Variants in DNAH14 observed in about 807,000 individuals in gnomAD.
The protein encoded by DNAH14 is dynein axonemal heavy chain 14.
A neutral mutation model predicts 520.9 loss-of-function variants in DNAH14; 478 were observed. The observed-to-expected ratio is 0.92, with a 90% CI of 0.85 to 0.99. The LOEUF is 0.99. Ranked by LOEUF, DNAH14 falls within the 50% of genes least tolerant of loss-of-function variation. DNAH14 has a pLI of 0.00. For missense variants in DNAH14, 4,831 were observed against 5,234.5 expected, an observed-to-expected ratio of 0.92 and a Z score of 2.38; for synonymous variants, 1,581 against 1,757.2, an observed-to-expected ratio of 0.90 and a Z score of 2.51.
chr1:225,192,844 A>G lies in DNAH14; in HGVS notation c.5819A>G (p.Asn1940Ser), dbSNP rs1219573111. Residue 1940 changes from asparagine (N) to serine (S), a missense_variant, in exon 38 of 86, where the codon AAC becomes AGC. Physicochemically the swap from Asn to Ser is conservative, Grantham distance 46. Coordinates refer to ENST00000682510, the MANE Select transcript of DNAH14 (RefSeq NM_001367479.1). ...ACAATTCGAAGTTATGTATATTTTA[A>G]CACACCAAAGAACACAAAGAAAGAC... is the stretch of plus-strand genomic sequence containing the variant. ...SATIRSYVYF[N>S]TPKNTKKDID... is the part of the protein sequence containing the mutation. The G allele has an allele frequency of 2.0e-5, 31 of 1,550,002 alleles. No individual in the cohort carries two copies. Among genetic ancestry groups the G allele is most frequent in the Non-Finnish European group, 2.6e-5 (30 of 1,145,938 alleles).
At chr1:225,197,821 G>T (rs2086351940) in intron 38 of DNAH14, among the ~76,000 whole-genome samples, 1 of 152,066 alleles carries the variant, frequency 6.6e-6, no homozygotes. Context: ...TTGAGTTCTT[G>T]ATTTGATTCT....
At chr1:225,390,349 G>A (rs995531317) in intron 83 of DNAH14, among the ~76,000 whole-genome samples, 8 of 152,246 alleles carry the variant, frequency 5.3e-5, no homozygotes, top group East Asian at 3.9e-4. Flanking sequence ...GACATGAACC[G>A]GAGTGCATTC....
At chr1:225,382,846 A>T (rs767171067) in intron 81 of DNAH14, among the ~76,000 whole-genome samples, 3 of 152,242 alleles carry the variant, frequency 2.0e-5, no homozygotes, top group Non-Finnish European at 4.4e-5. Flanking sequence ...TGTCCCTGTA[A>T]TGAAATATTA....
chr1:225,318,695 C>A lies in DNAH14; in HGVS notation c.9335+18C>A. 6.5e-7 allele frequency: 1 copy of A among 1,529,184 alleles called. No homozygotes were observed. Among genetic ancestry groups the A allele is most frequent in the Admixed American group, 2.2e-5 (1 of 46,010 alleles). 94.7% of individuals were successfully genotyped at this position (1,529,184 alleles called of 1,614,324 possible). A position where few individuals can be genotyped will look rare whatever the true frequency, so the allele number is the denominator to read the frequency against. ...GAATTAAGGTAACTCTCCTAAGTTT[C>A]GTTTGAGTTGGAAAAGCTCAGAAAA... On this transcript the variant is annotated intron_variant, in intron 61 of 85. Coordinates refer to ENST00000682510, the MANE Select transcript of DNAH14 (RefSeq NM_001367479.1).
At chr1:225,175,757 G>A (rs550986687) in intron 36 of DNAH14, among the ~76,000 whole-genome samples, 2 of 133,712 alleles carry the variant, frequency 1.5e-5, no homozygotes, top group African/African-American at 5.9e-5. Flanking sequence ...TAACTAGAGT[G>A]CACTGGTGCG....
chr1:225,308,162 A>C lies in DNAH14; in HGVS notation c.9115-123A>C. The C allele has an allele frequency of 5.8e-6, 6 of 1,027,516 alleles. No individual in the cohort carries two copies. The South Asian group carries it at 8.3e-5, about 14-fold the overall frequency. The allele number at this position is 1,027,516 out of a possible 1,614,324, so 63.6% of individuals were successfully genotyped here. A position where few individuals can be genotyped will look rare whatever the true frequency, so the allele number is the denominator to read the frequency against. On this transcript the variant is annotated intron_variant, in intron 59 of 85. Coordinates refer to ENST00000682510, the MANE Select transcript of DNAH14 (RefSeq NM_001367479.1). ...TGTCTCTCATTTTATGAATCTATTA[A>C]ATATATTTCAGGCTGATTTTAGTAA...
Position 225,200,573 on chromosome 1 carries a change from C to T in DNAH14, c.5887-3610C>T, listed in dbSNP as rs1019340990. ...TCTCTCAGCGTTTGTTTGTCTGTAT[C>T]TGCATTTGTTTGTTTGACTGTATCT... is the stretch of plus-strand genomic sequence containing the variant. On this transcript the variant is annotated intron_variant, in intron 38 of 85. Transcript: ENST00000682510. Among the ~76,000 whole-genome samples the T allele has an allele frequency of 1.2e-4, 18 of 152,062 alleles. No individual in the cohort carries two copies. In the East Asian group the frequency reaches 3.5e-3, roughly 29 times the overall value.
intron 60 of DNAH14, among the ~76,000 whole-genome samples, chr1:225,310,044 T>A (rs549868247): frequency 4.7e-5 from 7 of 150,260 alleles, no homozygotes; most frequent in Non-Finnish European, 7.4e-5. Context: ...AATAAATAAA[T>A]AAAAATAAAA....
At chr1:225,161,545 A>T (rs570207369) in intron 35 of DNAH14, among the ~76,000 whole-genome samples, 1 of 152,280 alleles carries the variant, frequency 6.6e-6, no homozygotes, top group South Asian at 2.1e-4. Flanking sequence ...ATTGCTGGAT[A>T]ATATGGTAGC....
At chr1:225,091,026 A>G (rs1345384512) in intron 21 of DNAH14, among the ~76,000 whole-genome samples, 1 of 152,166 alleles carries the variant, frequency 6.6e-6, no homozygotes, top group Non-Finnish European at 1.5e-5. Context: ...AAATTCATTG[A>G]TAAGAAAACA....
At chr1:225,025,164 CCT>C (rs1439675534) in intron 11 of DNAH14, among the ~76,000 whole-genome samples, 1 of 151,652 alleles carries the variant, frequency 6.6e-6, no homozygotes, top group Non-Finnish European at 1.5e-5. Context: ...ATGGCGAGAC[CCT>C]GTCTCCACAA....
intron 41 of DNAH14, among the ~76,000 whole-genome samples, chr1:225,212,304 A>G (rs555231921): frequency 6.6e-6 from 1 of 151,048 alleles, no homozygotes; most frequent in East Asian, 1.9e-4. Context: ...CCAGTCTATC[A>G]TTGATGGACA....
At chr1:225,280,556 G>T (rs776401716) in intron 54 of DNAH14, among the ~76,000 whole-genome samples, 1 of 151,486 alleles carries the variant, frequency 6.6e-6, no homozygotes, top group Admixed American at 6.6e-5. Context: ...CCGAGATAGC[G>T]CCACTGAACT....
intron 35 of DNAH14, among the ~76,000 whole-genome samples, chr1:225,165,023 C>T (rs941798665): frequency 6.6e-6 from 1 of 152,074 alleles, no homozygotes; most frequent in Non-Finnish European, 1.5e-5. Flanking sequence ...AGAGAGTTCT[C>T]AGAGTAGGTT....
At chr1:225,179,280 G>A (rs1418416718) in intron 36 of DNAH14, among the ~76,000 whole-genome samples, 7 of 152,070 alleles carry the variant, frequency 4.6e-5, no homozygotes, top group Admixed American at 6.6e-5. Context: ...GGTTGTTTTT[G>A]TAACTCCTCT....
intron 54 of DNAH14, among the ~76,000 whole-genome samples, chr1:225,284,101 A>G (rs1013411324): frequency 3.3e-5 from 5 of 152,130 alleles, no homozygotes; most frequent in Non-Finnish European, 7.4e-5. Flanking sequence ...GGAAAATACC[A>G]AAAGGAAAGA....
intron 64 of DNAH14, among the ~76,000 whole-genome samples, chr1:225,329,866 C>T (rs2094756238): frequency 6.6e-6 from 1 of 151,996 alleles, no homozygotes; most frequent in African/African-American, 2.4e-5. Context: ...GAAGAGATGG[C>T]CCACAGAATA....
intron 37 of DNAH14, among the ~76,000 whole-genome samples, chr1:225,186,035 T>C (rs2084684091): frequency 6.8e-6 from 1 of 146,210 alleles, no homozygotes; most frequent in Admixed American, 7.1e-5. Flanking sequence ...TGTAATAAAC[T>C]ATGTTGATTT....
At position 225,050,105 on chromosome 1, in the gene DNAH14, A is replaced by T. The variant is rs1021513853; in HGVS notation, c.1913-105A>T. On this transcript the variant is annotated intron_variant, in intron 15 of 85. Transcript: ENST00000682510. ...TATAGAATATTGTCTAACCCTCATA[A>T]TAAATCAGCCCCCATTTTCAATAGT... 1.6e-5 allele frequency: 16 copies of T among 970,804 alleles called. No individual in the cohort carries two copies. The Admixed American group carries it at 2.1e-4, about 13-fold the overall frequency. 60.1% of individuals were successfully genotyped at this position (970,804 alleles called of 1,614,324 possible). A position where few individuals can be genotyped will look rare whatever the true frequency, so the allele number is the denominator to read the frequency against.
Sources: gnomAD v4.1 joint callset for allele counts (sites outside exome capture counted in the v4.1 genomes callset) on GRCh38, gnomAD v4.1.1 for gene constraint, MANE v1.5 for transcripts, NCBI Gene and HGNC (gene_info 2026-07-23, HGNC 2026-07-21) for gene names.